Variants in RMDN2 observed in about 807,000 individuals in gnomAD.
The protein encoded by RMDN2 is regulator of microtubule dynamics protein 2.
In RMDN2, 61 loss-of-function variants were observed where a neutral mutation model predicts 52.8. The observed-to-expected ratio is 1.16, with a 90% CI of 0.94 to 1.43. RMDN2 has a LOEUF of 1.43. RMDN2 is among the 40% of genes most tolerant of loss of function. The probability of loss-of-function intolerance (pLI) is 0.00; values close to 1 mark genes in which losing one functional copy is unlikely to be tolerated. For synonymous variants in RMDN2, 180 were observed against 153.1 expected (o/e 1.18, Z -1.30); for missense variants, 592 against 475.3 (o/e 1.25, Z -2.28).
intron 10 of RMDN2, among the ~76,000 whole-genome samples, chr2:38,026,066 A>G (rs1679759005): frequency 6.6e-6 from 1 of 152,136 alleles, no homozygotes. Context: ...TCGTGAACCC[A>G]TCTGAACCTG....
intron 2 of RMDN2, among the ~76,000 whole-genome samples, chr2:37,973,754 G>C (rs1343090696): frequency 1.3e-5 from 2 of 152,200 alleles, no homozygotes; most frequent in East Asian, 3.9e-4. Context: ...TGGAGGTTCC[G>C]AGGTAGGCAC....
intron 5 of RMDN2, among the ~76,000 whole-genome samples, chr2:37,987,002 T>A (rs1558513803): frequency 6.6e-6 from 1 of 151,236 alleles, no homozygotes; most frequent in African/African-American, 2.4e-5. Flanking sequence ...GAAAAGAAAA[T>A]AAAAGGTATG....
chr2:37,951,250 A>G (rs1668747625), intron 2 of RMDN2: 1 of 1,594,410 alleles, frequency 6.3e-7, no homozygotes, highest in Non-Finnish European at 8.5e-7. Context: ...AAAGAGGACC[A>G]GAGCTTCCAA....
intron 2 of RMDN2, among the ~76,000 whole-genome samples, chr2:37,961,568 T>G (rs1340033137): frequency 6.6e-6 from 1 of 152,008 alleles, no homozygotes; most frequent in African/African-American, 2.4e-5. Flanking sequence ...CCTAAACTGG[T>G]TGTTCTAGTT....
At chr2:38,016,629 C>A (rs1320714546) in intron 10 of RMDN2, among the ~76,000 whole-genome samples, 1 of 152,084 alleles carries the variant, frequency 6.6e-6, no homozygotes, top group Admixed American at 6.5e-5. Context: ...TTTGGAACAG[C>A]CTTCAACCTC....
At chr2:38,000,386 A>G (rs1281211348) in intron 8 of RMDN2, among the ~76,000 whole-genome samples, 1 of 152,208 alleles carries the variant, frequency 6.6e-6, no homozygotes, top group Non-Finnish European at 1.5e-5. Flanking sequence ...TTAAGTGTAC[A>G]GTTCAGTGAA....
chr2:37,923,372 G>A (rs926016923), upstream of RMDN2: 7 of 152,162 alleles, frequency 4.6e-5, no homozygotes, highest in African/African-American at 1.7e-4. Context: ...AGACTGGTAA[G>A]GCCTTGTTCA....
chr2:38,034,363 G>A (rs1251327200), intron 10 of RMDN2, among the ~76,000 whole-genome samples: 6 of 152,138 alleles, frequency 3.9e-5, no homozygotes, highest in Non-Finnish European at 7.4e-5. Context: ...GAGGGCTAGG[G>A]GAGCCTAGTT....
intron 2 of RMDN2, among the ~76,000 whole-genome samples, chr2:37,955,363 A>C (rs986456714): frequency 6.6e-5 from 10 of 152,108 alleles, no homozygotes. Context: ...CGAAGCAGTT[A>C]ATTTTTATTC....
At chr2:37,924,321 A>G (rs1192016431), upstream of RMDN2, among the ~76,000 whole-genome samples, 2 of 152,218 alleles carry the variant, frequency 1.3e-5, no homozygotes, top group Non-Finnish European at 2.9e-5. Context: ...TGCAAACCTA[A>G]GCTTGAGGCA....
chr2:38,051,652 C>T (rs963704448), intron 10 of RMDN2, among the ~76,000 whole-genome samples: 1 of 152,158 alleles, frequency 6.6e-6, no homozygotes, highest in Non-Finnish European at 1.5e-5. Context: ...TGTTTGTACC[C>T]ATTAACCAAC....
rs764206363 is a variant in RMDN2, at chr2:37,974,035, T to C, written c.453-5T>C. On this transcript the variant is annotated splice_polypyrimidine_tract_variant and splice_region_variant and intron_variant, in intron 2 of 10. Transcript: ENST00000354545. The stretch of plus-strand genomic sequence containing the variant: ...AGGAGTTGATGATTATTTCTGCGAT[T>C]TTAGGTATATTACAGCTAATACTGA... 11 of 1,599,874 alleles carry C rather than the reference T, an allele frequency of 6.9e-6. No homozygotes were observed. The South Asian group carries it at 9.0e-5, about 13-fold the overall frequency.
Position 37,963,882 on chromosome 2 carries a change from G to C in RMDN2, c.453-10158G>C, listed in dbSNP as rs201576818. On this transcript the variant is annotated intron_variant, in intron 2 of 10. Transcript: ENST00000354545. ...GGGCAGAGGGGCTCCTCACTTCCCAGCAGGGGCGGCGGGGCAGAGGCGCCC... is the reference window on the plus strand; with the variant it reads ...GGGCAGAGGGGCTCCTCACTTCCCACCAGGGGCGGCGGGGCAGAGGCGCCC... 7.5e-4 allele frequency among the ~76,000 whole-genome samples: 111 copies of C among 148,072 alleles called. 2 individuals carry two copies. In the East Asian group the frequency reaches 0.019, roughly 26 times the overall value.
chr2:37,990,111 C>G (rs1674566559), intron 6 of RMDN2, among the ~76,000 whole-genome samples: 1 of 148,218 alleles, frequency 6.7e-6, no homozygotes, highest in Non-Finnish European at 1.5e-5. Context: ...CCACTGCACT[C>G]CAGCCTGGGT....
At chr2:38,002,876 G>T (rs1204926238) in intron 8 of RMDN2, 1 of 152,230 alleles carries the variant, frequency 6.6e-6, no homozygotes, top group African/African-American at 2.4e-5. Context: ...CCCCTCTAGG[G>T]TGGAGACTCC....
chr2:37,955,000 A>G (rs1404869455), intron 2 of RMDN2, among the ~76,000 whole-genome samples: 1 of 152,076 alleles, frequency 6.6e-6, no homozygotes, highest in Non-Finnish European at 1.5e-5. Context: ...CAGATAGCTC[A>G]TTGTTAATGC....
intron 10 of RMDN2, among the ~76,000 whole-genome samples, chr2:38,043,530 CTT>C (rs1681089713): frequency 6.6e-6 from 1 of 151,962 alleles, no homozygotes; most frequent in African/African-American, 2.4e-5. Flanking sequence ...TTGTTTGTAA[CTT>C]ATATATTCAT....
intron 2 of RMDN2, among the ~76,000 whole-genome samples, chr2:37,969,406 C>A (rs1028675563): frequency 6.6e-6 from 1 of 151,580 alleles, no homozygotes; most frequent in Non-Finnish European, 1.5e-5. Context: ...TTGTAATTTT[C>A]CCCAGAAAAC....
At chr2:37,973,939 C>G (rs1363217864) in intron 2 of RMDN2, 101 bp from the exon 3 acceptor site, 2 of 926,716 alleles carry the variant, frequency 2.2e-6, no homozygotes, top group Non-Finnish European at 3.3e-6. Context: ...TGCAGAGTTT[C>G]AAGCATAAGA....
Sources: allele counts gnomAD v4.1 joint callset (sites outside exome capture counted in the v4.1 genomes callset), GRCh38; gene constraint gnomAD v4.1.1; transcripts MANE v1.5; gene names NCBI Gene and HGNC (gene_info 2026-07-23, HGNC 2026-07-21).